GPHN: variants seen among roughly 807,000 people sequenced by gnomAD.
GPHN encodes the protein gephyrin.
A neutral mutation model predicts 95.5 loss-of-function variants in GPHN; 17 were observed. The ratio of observed to expected loss-of-function variants is 0.18; its 90% CI spans 0.12 to 0.27. The LOEUF (loss-of-function observed/expected upper bound fraction) is 0.27. GPHN is among the 10% of genes least tolerant of loss of function. GPHN has a pLI of 1.00. For missense variants in GPHN, 660 were observed against 978.1 expected (o/e 0.67, Z 4.34); for synonymous variants, 320 against 322.5 (o/e 0.99, Z 0.08).
At chr14:67,393,454 G>GTT in the GPHN span, among the ~76,000 whole-genome samples, 3 of 151,972 alleles carry the variant, frequency 2.0e-5, no homozygotes, top group African/African-American at 7.2e-5. Context: ...TGTTGTTGTT[G>GTT]TTTTTTGTTT....
intron 21 of GPHN, among the ~76,000 whole-genome samples, chr14:67,169,938 C>T (rs117807054): frequency 0.044 from 6,635 of 152,044 alleles, 191 homozygotes; most frequent in Middle Eastern, 0.068. Context: ...ATTAGCTGGG[C>T]GTGGTAGTGG....
Position 67,143,462 on chromosome 14 carries a change from G to C in GPHN, c.1836+13G>C. On this transcript the variant is annotated intron_variant, in intron 18 of 22. Transcript: ENST00000478722. ...CATGGGGGAAAAGGTATGAAAGATA[G>C]GGCTCGTGAAAATGTATCTGCTGTA... 2 of 1,486,692 alleles carry C rather than the reference G, an allele frequency of 1.3e-6. No homozygotes were observed. The highest frequency in any genetic ancestry group is 1.9e-6 in the Non-Finnish European group (2 of 1,063,822). The allele number at this position is 1,486,692 out of a possible 1,614,324, so 92.1% of individuals were successfully genotyped here.
chr14:67,335,878 C>T, the GPHN span: 1 of 152,208 alleles, frequency 6.6e-6, no homozygotes, highest in Non-Finnish European at 1.5e-5. Flanking sequence ...ATGTAAAGAC[C>T]ACCCTCCTCT....
intron 2 of GPHN, among the ~76,000 whole-genome samples, chr14:66,773,999 T>G (rs1354032280): frequency 2.2e-5 from 2 of 93,010 alleles, no homozygotes; most frequent in African/African-American, 7.1e-5. Context: ...GAAAGTTTTT[T>G]TTTTTTTTTT....
chr14:67,518,615 G>A, the GPHN span, among the ~76,000 whole-genome samples: 63,532 of 152,072 alleles, frequency 0.42, 13,854 homozygotes, highest in East Asian at 0.49. Context: ...GAACATGTTA[G>A]GTCCTTAGAC....
At chr14:67,135,443 C>T (rs981313666) in intron 17 of GPHN, among the ~76,000 whole-genome samples, 1 of 152,132 alleles carries the variant, frequency 6.6e-6, no homozygotes, top group Non-Finnish European at 1.5e-5. Context: ...TATCATTCTT[C>T]CATTTTGATT....
At chr14:67,619,435 C>T in the GPHN span, among the ~76,000 whole-genome samples, 1 of 152,218 alleles carries the variant, frequency 6.6e-6, no homozygotes, top group Admixed American at 6.5e-5. Context: ...TCACTGATGC[C>T]CAGTCTAAGA....
the GPHN span, among the ~76,000 whole-genome samples, chr14:67,212,599 AT>A: frequency 0.21 from 29,240 of 136,852 alleles, 3,449 homozygotes; most frequent in African/African-American, 0.24. Flanking sequence ...GAAAAAAAAA[AT>A]ATATATATAT....
chr14:66,924,277 T>C lies in GPHN; in HGVS notation c.813T>C (p.His271=), dbSNP rs1466356631. 4 of 1,597,888 alleles carry C rather than the reference T, an allele frequency of 2.5e-6. No homozygotes were observed. The highest frequency in any genetic ancestry group is 3.4e-6 in the Non-Finnish European group (4 of 1,165,294). The change falls in exon 8 of 23, where the codon CAT becomes CAC. Residue 271 remains histidine (H), a synonymous_variant. Coordinates refer to ENST00000478722, the MANE Select transcript of GPHN (RefSeq NM_020806.5). ...CTGGTCTCATCAATTATTCCCATCA[T>C]TCAACAGATGAACGGGTAAGACAAG... ...PIPGLINYSH[H]STDERIPDSI...
At chr14:67,667,578 G>A in the GPHN span, among the ~76,000 whole-genome samples, 1 of 152,170 alleles carries the variant, frequency 6.6e-6, no homozygotes, top group Non-Finnish European at 1.5e-5. Context: ...TCAATAAATA[G>A]AAACCACCAT....
At chr14:67,338,612 C>T in the GPHN span, 3 of 1,612,338 alleles carry the variant, frequency 1.9e-6, no homozygotes, top group South Asian at 2.2e-5. Context: ...AGAACCAGAA[C>T]AGGAAAGATT....
At chr14:66,886,646 C>T (rs895936209) in intron 5 of GPHN, among the ~76,000 whole-genome samples, 9 of 151,624 alleles carry the variant, frequency 5.9e-5, no homozygotes, top group Non-Finnish European at 1.5e-5. Context: ...AAAAAAGAAT[C>T]AGCAAACTTA....
intron 11 of GPHN, among the ~76,000 whole-genome samples, chr14:67,061,836 G>C (rs2153651351): frequency 6.6e-6 from 1 of 151,980 alleles, no homozygotes; most frequent in South Asian, 2.1e-4. Context: ...GTTTTTGCTT[G>C]GAAAAACTTT....
the GPHN span, among the ~76,000 whole-genome samples, chr14:67,246,129 A>T: frequency 6.6e-6 from 1 of 150,724 alleles, no homozygotes; most frequent in African/African-American, 2.4e-5. Flanking sequence ...TTTTATTTTT[A>T]TTTTATTGTA....
chr14:66,780,561 G>A lies in GPHN; in HGVS notation c.201+4040G>A, dbSNP rs572324140. On this transcript the variant is annotated intron_variant, in intron 3 of 22. Coordinates refer to ENST00000478722, the MANE Select transcript of GPHN (RefSeq NM_020806.5). ...TTGTGTGTGCTTTTTTTATTTTAGA[G>A]TTACAAGAGTTATCCCTCAGGAGAT... Among the ~76,000 whole-genome samples, 133 of 149,740 alleles carry A rather than the reference G, an allele frequency of 8.9e-4. No individual in the cohort carries two copies. In the South Asian group the frequency reaches 0.011, roughly 13 times the overall value.
At chr14:67,106,847 A>T (rs1279027009) in intron 13 of GPHN, among the ~76,000 whole-genome samples, 1 of 152,046 alleles carries the variant, frequency 6.6e-6, no homozygotes, top group Non-Finnish European at 1.5e-5. Context: ...GGAGTCTGTT[A>T]CTAGAGATGT....
At chr14:66,563,037 C>T (rs1594981902) in intron 1 of GPHN, among the ~76,000 whole-genome samples, 3 of 151,984 alleles carry the variant, frequency 2.0e-5, no homozygotes, top group Admixed American at 6.6e-5. Flanking sequence ...CGACAGCTTT[C>T]GTGGGGAGAT....
Position 66,567,975 on chromosome 14 carries a change from C to T in GPHN, c.64+59384C>T, listed in dbSNP as rs147242991. On this transcript the variant is annotated intron_variant, in intron 1 of 22. Transcript: ENST00000478722. ...TATGCCAGTCAGTAAATGAAGAGTA[C>T]GATGAGTGATAGTTAAGAAGAAAAT... Among the ~76,000 whole-genome samples the T allele has an allele frequency of 3.7e-3, 567 of 152,104 alleles. 1 individual carries two copies. Among genetic ancestry groups the T allele is most frequent in the African/African-American group, 0.013 (527 of 41,482 alleles).
the GPHN span, among the ~76,000 whole-genome samples, chr14:67,453,216 G>A: frequency 6.6e-6 from 1 of 152,170 alleles, no homozygotes; most frequent in Non-Finnish European, 1.5e-5. Flanking sequence ...TCCCCCGGGG[G>A]GTCAGCTTGG....
Sources: allele counts gnomAD v4.1 joint callset (sites outside exome capture counted in the v4.1 genomes callset), GRCh38; gene constraint gnomAD v4.1.1; transcripts MANE v1.5; gene names NCBI Gene and HGNC (gene_info 2026-07-23, HGNC 2026-07-21).